The following SLC9A9 variants were observed in gnomAD, a reference collection of about 807,000 sequenced individuals.
SLC9A9 encodes solute carrier family 9 member A9.
Under a neutral mutation model 77.8 loss-of-function variants are expected in SLC9A9, and 62 were observed. The observed-to-expected ratio is 0.80, with a 90% CI of 0.65 to 0.98. The LOEUF (loss-of-function observed/expected upper bound fraction) is 0.98. Among genes scored for constraint, SLC9A9 ranks in the 50% least tolerant of loss-of-function variants. The probability of loss-of-function intolerance (pLI) is 0.00; values close to 1 mark genes in which losing one functional copy is unlikely to be tolerated. For missense variants in SLC9A9, 775 were observed against 774.9 expected (o/e 1.00, Z 0.00); for synonymous variants, 320 against 283.5 (o/e 1.13, Z -1.29).
intron 2 of SLC9A9, among the ~76,000 whole-genome samples, chr3:143,804,107 C>T (rs778601276): frequency 6.6e-6 from 1 of 152,202 alleles, no homozygotes; most frequent in Non-Finnish European, 1.5e-5. Flanking sequence ...GGTAACCTTT[C>T]ACCTTCTCGA....
intron 13 of SLC9A9, among the ~76,000 whole-genome samples, chr3:143,371,605 T>G (rs1232592262): frequency 6.6e-6 from 1 of 152,002 alleles, no homozygotes; most frequent in Non-Finnish European, 1.5e-5. Flanking sequence ...GGCAATGGAA[T>G]TAAAATACTC....
intron 6 of SLC9A9, among the ~76,000 whole-genome samples, chr3:143,639,201 G>A (rs1425127079): frequency 6.6e-6 from 1 of 152,170 alleles, no homozygotes; most frequent in Non-Finnish European, 1.5e-5. Flanking sequence ...GAGAGCCATA[G>A]CTTCCTTTAA....
chr3:143,367,689 C>T (rs575870430), intron 13 of SLC9A9, among the ~76,000 whole-genome samples: 4 of 152,082 alleles, frequency 2.6e-5, no homozygotes, highest in South Asian at 2.1e-4. Flanking sequence ...AGATGGGCAG[C>T]GGACAGCAGG....
At chr3:143,741,835 C>A (rs1258377639) in intron 4 of SLC9A9, among the ~76,000 whole-genome samples, 1 of 152,140 alleles carries the variant, frequency 6.6e-6, no homozygotes, top group African/African-American at 2.4e-5. Flanking sequence ...CTGACTCCAT[C>A]TTTCTTCTAA....
At position 143,493,668 on chromosome 3, in the gene SLC9A9, T is replaced by A. The variant is rs1467037591; in HGVS notation, c.1300A>T (p.Met434Leu). 6.2e-7 allele frequency: 1 copy of A among 1,613,374 alleles called. No homozygotes were observed. Residue 434 changes from methionine (M) to leucine (L), a missense_variant, in exon 11 of 16, where the codon ATG (methionine) becomes TTG (leucine). Physicochemically the swap from Met to Leu is conservative, Grantham distance 15 (BLOSUM62 2). Coordinates refer to ENST00000316549, the MANE Select transcript of SLC9A9 (RefSeq NM_173653.4). ...KQKIPWNFQHMMMFSGLRGAI... is the reference protein window; with the variant it reads ...KQKIPWNFQHLMMFSGLRGAI... Reference sequence around the variant, plus strand: ...GTTCACATACCTGAAAACATCATCATGTGCTGAAAGTTCCAGGGGATCTTC... The same window carrying A: ...GTTCACATACCTGAAAACATCATCAAGTGCTGAAAGTTCCAGGGGATCTTC...
intron 11 of SLC9A9, among the ~76,000 whole-genome samples, chr3:143,485,900 G>A (rs908341944): frequency 1.3e-5 from 2 of 151,836 alleles, no homozygotes; most frequent in Non-Finnish European, 2.9e-5. Flanking sequence ...GAACAAAAAG[G>A]AAATACCAAT....
intron 4 of SLC9A9, among the ~76,000 whole-genome samples, chr3:143,743,280 TAGATAGATAGAC>T (rs879770094): frequency 0.038 from 5,384 of 141,902 alleles, 132 homozygotes; most frequent in Middle Eastern, 0.054. Context: ...GATAGATAGA[TAGATAGATAGAC>T]AGACAGATAG....
chr3:143,648,421 C>G (rs1485825869), intron 6 of SLC9A9, among the ~76,000 whole-genome samples: 1 of 152,084 alleles, frequency 6.6e-6, no homozygotes, highest in Non-Finnish European at 1.5e-5. Flanking sequence ...ATAGGGTTTG[C>G]GCTGCTAGGA....
At chr3:143,398,390 T>C (rs910709873) in intron 12 of SLC9A9, among the ~76,000 whole-genome samples, 1 of 152,050 alleles carries the variant, frequency 6.6e-6, no homozygotes, top group Non-Finnish European at 1.5e-5. Context: ...CCAACAAAGG[T>C]ATCTCCACCA....
At chr3:143,787,935 C>T (rs2008101829) in intron 4 of SLC9A9, among the ~76,000 whole-genome samples, 1 of 151,820 alleles carries the variant, frequency 6.6e-6, no homozygotes, top group Non-Finnish European at 1.5e-5. Flanking sequence ...TAATAACAGA[C>T]AAGGTACTCC....
intron 14 of SLC9A9, among the ~76,000 whole-genome samples, chr3:143,303,178 C>G (rs185256827): frequency 6.6e-4 from 101 of 152,304 alleles, no homozygotes; most frequent in East Asian, 3.3e-3. Flanking sequence ...AGAGGCCCAC[C>G]TGGATCATGG....
chr3:143,503,210 G>T, intron 9 of SLC9A9: 1 of 204,048 alleles, frequency 4.9e-6, no homozygotes, highest in South Asian at 8.5e-5. Flanking sequence ...TACTAAGTGG[G>T]GCAGGGACTG....
intron 13 of SLC9A9, among the ~76,000 whole-genome samples, chr3:143,381,758 T>G (rs2033308585): frequency 6.6e-6 from 1 of 152,202 alleles, no homozygotes; most frequent in African/African-American, 2.4e-5. Flanking sequence ...AGCAAGTTGC[T>G]GGGTAGGGAT....
intron 9 of SLC9A9, among the ~76,000 whole-genome samples, chr3:143,523,363 C>T (rs2036350162): frequency 6.6e-6 from 1 of 151,842 alleles, no homozygotes; most frequent in East Asian, 1.9e-4. Flanking sequence ...ACTCCAAGAC[C>T]CTGAAGAACT....
chr3:143,839,464 C>G (rs567972886), intron 1 of SLC9A9, among the ~76,000 whole-genome samples: 16 of 151,716 alleles, frequency 1.1e-4, no homozygotes, highest in Non-Finnish European at 1.9e-4. Flanking sequence ...TGTCTAATGT[C>G]CACAATCCAT....
At chr3:143,692,629 T>G (rs976874325) in intron 5 of SLC9A9, among the ~76,000 whole-genome samples, 3 of 152,140 alleles carry the variant, frequency 2.0e-5, no homozygotes, top group Non-Finnish European at 4.4e-5. Context: ...ACAACTTAAT[T>G]TAATACATCA....
At chr3:143,745,846 T>C (rs1935186845) in intron 4 of SLC9A9, among the ~76,000 whole-genome samples, 2 of 152,206 alleles carry the variant, frequency 1.3e-5, no homozygotes, top group East Asian at 1.9e-4. Flanking sequence ...ATCATTGCTG[T>C]GAATAAAAAC....
At chr3:143,349,089 C>T (rs2032381007) in intron 14 of SLC9A9, among the ~76,000 whole-genome samples, 1 of 152,200 alleles carries the variant, frequency 6.6e-6, no homozygotes, top group Non-Finnish European at 1.5e-5. Context: ...CTATTCGTTC[C>T]TCAGTCTCCA....
intron 5 of SLC9A9, among the ~76,000 whole-genome samples, chr3:143,671,576 T>C (rs1193016342): frequency 6.6e-6 from 1 of 152,214 alleles, no homozygotes; most frequent in African/African-American, 2.4e-5. Context: ...ATCAAAGCTG[T>C]TATTTTTATT....
Sources: gnomAD v4.1 joint callset for allele counts (sites outside exome capture counted in the v4.1 genomes callset) on GRCh38, gnomAD v4.1.1 for gene constraint, MANE v1.5 for transcripts, NCBI Gene and HGNC (gene_info 2026-07-23, HGNC 2026-07-21) for gene names.